Variants in METTL15 observed in about 807,000 individuals in gnomAD.
METTL15 encodes the protein 12S rRNA N(4)-cytidine methyltransferase METTL15.
Under a neutral mutation model 38.3 loss-of-function variants are expected in METTL15, and 34 were observed. The observed-to-expected ratio is 0.89, with a 90% CI of 0.68 to 1.18. The LOEUF (loss-of-function observed/expected upper bound fraction) is 1.18, where lower values mean the gene tolerates loss of function less well. METTL15 is among the 50% of genes most tolerant of loss of function. The pLI, the probability that METTL15 is intolerant of heterozygous loss-of-function variation, is 0.00. For missense variants in METTL15, 438 were observed against 498.4 expected (o/e 0.88, Z 1.15); for synonymous variants, 162 against 170.9 (o/e 0.95, Z 0.41).
intron 5 of METTL15, among the ~76,000 whole-genome samples, chr11:28,397,550 C>T (rs1055982056): frequency 6.6e-6 from 1 of 151,976 alleles, no homozygotes; most frequent in African/African-American, 2.4e-5. Flanking sequence ...TACCATCTCA[C>T]ACCAGTTAGA....
chr11:28,411,501 T>C lies in METTL15; in HGVS notation c.*359-12798T>C, dbSNP rs192941894. Among the ~76,000 whole-genome samples the C allele has an allele frequency of 3.0e-4, 45 of 152,124 alleles. No individual in the cohort carries two copies. The East Asian group carries it at 5.6e-3, about 19-fold the overall frequency. ...CACGAAGGGGAAACAATAGTCTCTT[T>C]AATAAATAATGTTGGGAAAACTGTA... On this transcript the variant is annotated intron_variant and NMD_transcript_variant, in intron 5 of 7. Coordinates refer to the METTL15 transcript ENST00000532947.
At chr11:28,282,175 G>A (rs1032169393) in intron 4 of METTL15, among the ~76,000 whole-genome samples, 2 of 152,136 alleles carry the variant, frequency 1.3e-5, no homozygotes, top group African/African-American at 4.8e-5. Flanking sequence ...CTCTCTCCCA[G>A]ATTATCATGT....
rs553970613 is a variant in METTL15, at chr11:28,241,407, G to C, written c.407+30209G>C. Among the ~76,000 whole-genome samples the C allele has an allele frequency of 1.7e-4, 26 of 152,064 alleles. No homozygotes were observed. The South Asian group carries it at 5.4e-3, about 32-fold the overall frequency. On this transcript the variant is annotated intron_variant, in intron 4 of 6. Transcript: ENST00000407364. ...AAATTAGCTGGGCATGGTGGCGGGC[G>C]CCTGTAGCCCCAGCTACTCGGGAGG... is the stretch of plus-strand genomic sequence containing the variant.
At chr11:28,461,574 G>T (rs1314564941) in intron 6 of METTL15, among the ~76,000 whole-genome samples, 2 of 152,000 alleles carry the variant, frequency 1.3e-5, no homozygotes, top group South Asian at 2.1e-4. Flanking sequence ...GGCCAAGGAA[G>T]TTTGGAAGGA....
chr11:28,325,812 G>C (rs546619277), intron 6 of METTL15, among the ~76,000 whole-genome samples: 1 of 152,274 alleles, frequency 6.6e-6, no homozygotes, highest in African/African-American at 2.4e-5. Context: ...GGATATAAGA[G>C]TGAACGCGAA....
chr11:28,294,519 G>A (rs1856655554), intron 5 of METTL15, among the ~76,000 whole-genome samples: 1 of 152,168 alleles, frequency 6.6e-6, no homozygotes, highest in South Asian at 2.1e-4. Context: ...GGTTTCTCAT[G>A]TAGAAGCAAT....
rs1855337341 is a variant in METTL15 at position 28,264,596 on chromosome 11, C to CATAG, written c.408-25608_408-25607insAGAT. 2.0e-5 allele frequency among the ~76,000 whole-genome samples: 3 copies of CATAG among 152,188 alleles called. No homozygotes were observed. In the East Asian group the frequency reaches 5.8e-4, roughly 29 times the overall value. On this transcript the variant is annotated intron_variant, in intron 4 of 6. Transcript: ENST00000407364. ...CTGTGATGCAGAAGCCAAGAAAAAT[C>CATAG]ATTATGTATCAAGATTTTCCCCTGG... is the stretch of plus-strand genomic sequence containing the variant.
At chr11:28,477,945 A>G (rs1401872016) in intron 6 of METTL15, among the ~76,000 whole-genome samples, 2 of 152,144 alleles carry the variant, frequency 1.3e-5, no homozygotes, top group African/African-American at 2.4e-5. Context: ...AATTGATTCT[A>G]TATAGATATG....
At chr11:28,366,026 G>A (rs1407177314) in intron 5 of METTL15, among the ~76,000 whole-genome samples, 1 of 152,042 alleles carries the variant, frequency 6.6e-6, no homozygotes, top group Non-Finnish European at 1.5e-5. Context: ...CCCCAGCCTG[G>A]GTGACAAAGT....
intron 4 of METTL15, among the ~76,000 whole-genome samples, chr11:28,359,338 G>A (rs1238080566): frequency 6.6e-6 from 1 of 152,110 alleles, no homozygotes; most frequent in Non-Finnish European, 1.5e-5. Flanking sequence ...TACCGTTGAT[G>A]GGCACCTAGG....
chr11:28,400,562 G>A (rs10835323), intron 5 of METTL15, among the ~76,000 whole-genome samples: 64,111 of 151,650 alleles, frequency 0.42, 14,919 homozygotes, highest in Admixed American at 0.54. Context: ...GAATTTGTCA[G>A]TGGAGTCTGA....
chr11:28,231,091 T>C lies in METTL15; in HGVS notation c.407+19893T>C, dbSNP rs1284416692. On this transcript the variant is annotated intron_variant, in intron 4 of 6. Transcript: ENST00000407364. ...TTTTCTCTGTTAGCATTGTTACTCA[T>C]TTAATTCAATTCCAGACACTGTTTT... Among the ~76,000 whole-genome samples the C allele has an allele frequency of 7.9e-5, 12 of 151,930 alleles. 1 individual carries two copies. The highest frequency in any genetic ancestry group is 3.9e-4 in the Admixed American group (6 of 15,206).
chr11:28,447,269 A>G (rs889953740), intron 6 of METTL15, among the ~76,000 whole-genome samples: 1 of 152,142 alleles, frequency 6.6e-6, no homozygotes, highest in Non-Finnish European at 1.5e-5. Context: ...TATGAAAGGC[A>G]GTAGAGAAAC....
intron 6 of METTL15, among the ~76,000 whole-genome samples, chr11:28,430,952 G>T (rs1590372227): frequency 9.4e-6 from 1 of 106,028 alleles, no homozygotes; most frequent in African/African-American, 3.2e-5. Flanking sequence ...GAGGTGAGGG[G>T]CGCCTCTGCC....
chr11:28,159,124 C>T (rs909923460), intron 3 of METTL15, among the ~76,000 whole-genome samples: 2 of 152,060 alleles, frequency 1.3e-5, no homozygotes, highest in African/African-American at 4.8e-5. Flanking sequence ...CCAGGAGACA[C>T]AAAAATTCCA....
chr11:28,270,202 C>A (rs1812892253), intron 4 of METTL15, among the ~76,000 whole-genome samples: 1 of 152,052 alleles, frequency 6.6e-6, no homozygotes, highest in South Asian at 2.1e-4. Flanking sequence ...GGCATCTGAT[C>A]ATTATTTCCC....
chr11:28,237,898 G>A (rs1220392786), intron 4 of METTL15, among the ~76,000 whole-genome samples: 1 of 152,204 alleles, frequency 6.6e-6, no homozygotes, highest in Non-Finnish European at 1.5e-5. Flanking sequence ...GGTATCAGCA[G>A]CGGTGGCTGC....
chr11:28,378,235 G>A (rs1850341403), intron 5 of METTL15, among the ~76,000 whole-genome samples: 1 of 152,198 alleles, frequency 6.6e-6, no homozygotes, highest in Non-Finnish European at 1.5e-5. Context: ...TTGGGCAATG[G>A]CGGGCGCCCC....
chr11:28,506,564 T>C (rs1296411417), intron 6 of METTL15, among the ~76,000 whole-genome samples: 1 of 152,178 alleles, frequency 6.6e-6, no homozygotes, highest in Admixed American at 6.5e-5. Flanking sequence ...TATTTATGCC[T>C]AACCCAAACT....
Sources: gnomAD v4.1 joint callset for allele counts (sites outside exome capture counted in the v4.1 genomes callset) on GRCh38, gnomAD v4.1.1 for gene constraint, MANE v1.5 for transcripts, NCBI Gene and HGNC (gene_info 2026-07-23, HGNC 2026-07-21) for gene names.